The following MERTK variants were observed in gnomAD, a reference collection of about 807,000 sequenced individuals.
MERTK encodes the protein MER proto-oncogene, tyrosine kinase.
Under a neutral mutation model 99.3 loss-of-function variants are expected in MERTK, and 69 were observed. The ratio of observed to expected loss-of-function variants is 0.70; its 90% CI spans 0.57 to 0.85. The LOEUF (loss-of-function observed/expected upper bound fraction) is 0.85. Among genes scored for constraint, MERTK ranks in the 40% least tolerant of loss-of-function variants. MERTK has a pLI of 0.00. For missense variants in MERTK, 1,125 were observed against 1,249.4 expected (o/e 0.90, Z 1.50); for synonymous variants, 426 against 467.6 (o/e 0.91, Z 1.15).
intron 6 of MERTK, among the ~76,000 whole-genome samples, chr2:111,973,827 G>C (rs375342456): frequency 3.3e-5 from 5 of 152,168 alleles, no homozygotes; most frequent in African/African-American, 9.6e-5. Context: ...GACTAGACTT[G>C]TGCTGGGAAT....
chr2:111,898,614 A>C lies in MERTK; in HGVS notation c.-122A>C. The C allele has an allele frequency of 1.3e-5, 15 of 1,155,262 alleles. No homozygotes were observed. The highest frequency in any genetic ancestry group is 1.6e-5 in the African/African-American group (1 of 62,960). 71.6% of individuals were successfully genotyped at this position (1,155,262 alleles called of 1,614,324 possible). A position where few individuals can be genotyped will look rare whatever the true frequency, so the allele number is the denominator to read the frequency against. On this transcript the variant is annotated 5_prime_UTR_variant, in exon 1 of 19. Transcript: ENST00000295408. ...CGGCCGCTTGGCTCCGCCACTCGGCACTCACTGCCCGGGCCGCCCGGACAG... is the reference window on the plus strand; with the variant it reads ...CGGCCGCTTGGCTCCGCCACTCGGCCCTCACTGCCCGGGCCGCCCGGACAG...
rs1292324604 is a variant in MERTK, at chr2:112,028,552, C to G, written c.2688C>G (p.Asn896Lys). The G allele has an allele frequency of 6.2e-7, 1 of 1,614,072 alleles. No individual in the cohort carries two copies. Among genetic ancestry groups the G allele is most frequent in the Non-Finnish European group, 8.5e-7 (1 of 1,180,042 alleles). The change falls in exon 19 of 19, where the codon AAC becomes AAG. Residue 896 changes from asparagine to lysine, a missense_variant. By Grantham distance (94) the Asn-to-Lys change is moderately conservative. Coordinates refer to ENST00000295408, the MANE Select transcript of MERTK (RefSeq NM_006343.3). Reference protein sequence around the residue: ...QGSTLAPLDLNIDPDSIIASC... With the variant: ...QGSTLAPLDLKIDPDSIIASC... ...CCACCCTTGCTCCACTGGACTTGAA[C>G]ATCGACCCTGACTCTATAATTGCCT...
intron 13 of MERTK, among the ~76,000 whole-genome samples, chr2:112,007,142 T>C (rs1676997582): frequency 6.6e-6 from 1 of 152,118 alleles, no homozygotes; most frequent in South Asian, 2.1e-4. Flanking sequence ...CTACCATCCA[T>C]CTCCAAAACT....
chr2:111,996,017 A>G (rs1676728018), intron 9 of MERTK: 1 of 153,822 alleles, frequency 6.5e-6, no homozygotes, highest in South Asian at 2.0e-4. Flanking sequence ...GCTTAAAAAA[A>G]TTGGAGTTTA....
At position 111,969,753 on chromosome 2, in the gene MERTK, G is replaced by A. The variant is rs566275267; in HGVS notation, c.960+1501G>A. ...GTTGCCCAGGCTGGAGTGCAGTGGC[G>A]CGATCTCAGCTCACTGCAAGCTCCA... On this transcript the variant is annotated intron_variant, in intron 6 of 18. Transcript: ENST00000295408. 2.7e-3 allele frequency among the ~76,000 whole-genome samples: 394 copies of A among 147,964 alleles called. 11 individuals carry two copies. The highest frequency in any genetic ancestry group is 0.01 in the Middle Eastern group (3 of 286).
chr2:112,015,487 G>A (rs1677198890), intron 15 of MERTK, among the ~76,000 whole-genome samples: 1 of 152,128 alleles, frequency 6.6e-6, no homozygotes, highest in Non-Finnish European at 1.5e-5. Flanking sequence ...GCTTTGATGA[G>A]TGTCTGTTGT....
chr2:111,988,830 T>G (rs1246764971), intron 8 of MERTK, among the ~76,000 whole-genome samples: 1 of 152,096 alleles, frequency 6.6e-6, no homozygotes, highest in Non-Finnish European at 1.5e-5. Flanking sequence ...GCACCTGTAG[T>G]CCCAGCTACT....
chr2:111,951,548 T>C lies in MERTK; in HGVS notation c.757+3981T>C, dbSNP rs868361448. Among the ~76,000 whole-genome samples the C allele has an allele frequency of 2.2e-4, 26 of 118,906 alleles. 2 individuals are homozygous for C. The highest frequency in any genetic ancestry group is 4.1e-3 in the Middle Eastern group (1 of 242). 78.0% of individuals were successfully genotyped at this position (118,906 alleles called of 152,430 possible). ...ATATATATATATATATATATATATATACCATAATTTTTTAATCCATTTATC... is the reference window on the plus strand; with the variant it reads ...ATATATATATATATATATATATATACACCATAATTTTTTAATCCATTTATC... On this transcript the variant is annotated intron_variant, in intron 4 of 18. Transcript: ENST00000295408.
intron 1 of MERTK, among the ~76,000 whole-genome samples, chr2:111,925,841 T>G (rs1684556579): frequency 6.6e-6 from 1 of 151,960 alleles, no homozygotes; most frequent in South Asian, 2.1e-4. Context: ...TTTAATTTTT[T>G]TTTTTTTCTG....
chr2:111,959,329 T>A (rs1331821039), intron 4 of MERTK, among the ~76,000 whole-genome samples: 3 of 152,176 alleles, frequency 2.0e-5, no homozygotes, highest in African/African-American at 7.2e-5. Context: ...CAGTTCTCCC[T>A]TTCCACCTCC....
intron 9 of MERTK, chr2:111,996,959 A>C (rs1053682875): frequency 1.7e-5 from 5 of 300,888 alleles, no homozygotes; most frequent in African/African-American, 1.1e-4. Context: ...AAACTACAGT[A>C]GAAGTAAATA....
chr2:111,933,406 A>G (rs1392735856), intron 2 of MERTK, among the ~76,000 whole-genome samples: 2 of 152,228 alleles, frequency 1.3e-5, no homozygotes, highest in Non-Finnish European at 2.9e-5. Context: ...AGTTGCCATT[A>G]GCGACATCTA....
At chr2:111,946,041 G>A (rs1198712459) in intron 3 of MERTK, among the ~76,000 whole-genome samples, 1 of 152,146 alleles carries the variant, frequency 6.6e-6, no homozygotes, top group Non-Finnish European at 1.5e-5. Context: ...TGAAATTGAT[G>A]CCCACCAATG....
Position 112,029,395 on chromosome 2 carries a change from A to AC in MERTK, c.*531_*532insC. On this transcript the variant is annotated 3_prime_UTR_variant, in exon 19 of 19. Transcript: ENST00000295408. ...ATATGTTGAACTTACTTGAGACTTG[A>AC]AAGACAGTGGTCGGCAGCGGCCTTG... 1 of 920,570 alleles carries AC rather than the reference A, an allele frequency of 1.1e-6. No individual in the cohort carries two copies. The highest frequency in any genetic ancestry group is 6.1e-5 in the Admixed American group (1 of 16,406). The allele number at this position is 920,570 out of a possible 1,614,324, so 57.0% of individuals were successfully genotyped here.
chr2:112,025,965 A>G (rs1348229923), intron 18 of MERTK, among the ~76,000 whole-genome samples: 1 of 152,204 alleles, frequency 6.6e-6, no homozygotes, highest in Non-Finnish European at 1.5e-5. Context: ...TTCTCTCCTC[A>G]ATACAGCCCA....
At chr2:111,968,978 GAGCGTAGC>G (rs939739743) in intron 6 of MERTK, among the ~76,000 whole-genome samples, 11 of 152,310 alleles carry the variant, frequency 7.2e-5, no homozygotes, top group African/African-American at 2.6e-4. Context: ...CTGTGCTACT[GAGCGTAGC>G]ACCTTACCCA....
Position 112,029,251 on chromosome 2 carries a change from A to G in MERTK, c.*387A>G, listed in dbSNP as rs1677532643. On this transcript the variant is annotated 3_prime_UTR_variant, in exon 19 of 19. Transcript: ENST00000295408. The stretch of plus-strand genomic sequence containing the variant: ...AAAAATATTTGTAAAATGAAATGCC[A>G]TATTTGACTTGGCTTCTGGTCTTGA... 1.1e-5 allele frequency: 11 copies of G among 986,898 alleles called. No homozygotes were observed. Among genetic ancestry groups the G allele is most frequent in the Non-Finnish European group, 1.3e-5 (11 of 825,250 alleles). 61.1% of individuals were successfully genotyped at this position (986,898 alleles called of 1,614,324 possible).
At position 111,919,234 on chromosome 2, in the gene MERTK, A is replaced by G. The variant is rs1684409719; in HGVS notation, c.62-9886A>G. Among the ~76,000 whole-genome samples, 3 of 152,136 alleles carry G rather than the reference A, an allele frequency of 2.0e-5. No homozygotes were observed. In the South Asian group the frequency reaches 6.2e-4, roughly 32 times the overall value. Reference sequence around the variant, plus strand: ...TTTGCGAGCTCCATCCAGGCCATTCAGTGCCCCCCATCCCTGGCCTTCCGC... The same window carrying G: ...TTTGCGAGCTCCATCCAGGCCATTCGGTGCCCCCCATCCCTGGCCTTCCGC... On this transcript the variant is annotated intron_variant, in intron 1 of 18. Transcript: ENST00000295408.
rs557387809 is a variant in MERTK at position 111,987,978 on chromosome 2, T to C, written c.1296+4985T>C. ...ATTATAGCCTTGAGACAGCATGATA[T>C]ATAGAACTAACTTTTTTTTTTTTTT... On this transcript the variant is annotated intron_variant, in intron 8 of 18. Coordinates refer to ENST00000295408, the MANE Select transcript of MERTK (RefSeq NM_006343.3). Among the ~76,000 whole-genome samples, 46 of 147,620 alleles carry C rather than the reference T, an allele frequency of 3.1e-4. 1 individual carries two copies. Among genetic ancestry groups the C allele is most frequent in the Admixed American group, 2.1e-3 (30 of 14,278 alleles).
Sources: allele counts gnomAD v4.1 joint callset (sites outside exome capture counted in the v4.1 genomes callset), GRCh38; gene constraint gnomAD v4.1.1; transcripts MANE v1.5; gene names NCBI Gene and HGNC (gene_info 2026-07-23, HGNC 2026-07-21).